Variants in MYH10 observed in about 807,000 individuals in gnomAD.
MYH10 encodes myosin heavy chain 10, also known as myosin-10.
In MYH10, 55 loss-of-function variants were observed where a neutral mutation model predicts 257.8. The observed-to-expected ratio is 0.21, with a 90% confidence interval of 0.17 to 0.27. The LOEUF (loss-of-function observed/expected upper bound fraction) is 0.27. MYH10 is among the 10% of genes least tolerant of loss of function. The probability of loss-of-function intolerance (pLI) is 1.00; values close to 1 mark genes in which losing one functional copy is unlikely to be tolerated. For synonymous variants in MYH10, 854 were observed against 921.7 expected, an observed-to-expected ratio of 0.93 and a Z score of 1.33; for missense variants, 1,631 against 2,500.6, an observed-to-expected ratio of 0.65 and a Z score of 7.42.
At position 8,545,637 on chromosome 17, in the gene MYH10, C is replaced by A. The variant is rs1251526750; in HGVS notation, c.1279-37G>T. 1.3e-6 allele frequency: 2 copies of A among 1,593,636 alleles called. No individual in the cohort carries two copies. The highest frequency in any genetic ancestry group is 3.7e-5 in the Admixed American group (2 of 54,754). The stretch of plus-strand genomic sequence containing the variant: ...TCACAACAACCTTTTATTCTGGAAA[C>A]AATCTCAACAAAGCATAAATAGCTG... On this transcript the variant is annotated intron_variant, in intron 12 of 42. Transcript: ENST00000360416. The surrounding 1 kb of genome is among the most constrained non-coding windows in gnomAD (Gnocchi z 4.7).
At chr17:8,547,867 A>T (rs2151955337) in intron 11 of MYH10, among the ~76,000 whole-genome samples, 1 of 147,288 alleles carries the variant, frequency 6.8e-6, no homozygotes, top group Non-Finnish European at 1.5e-5. Flanking sequence ...GTTCCTGACC[A>T]ATGCAAATTT....
At chr17:8,554,846 G>A (rs1255901867) in intron 7 of MYH10, among the ~76,000 whole-genome samples, 1 of 152,324 alleles carries the variant, frequency 6.6e-6, no homozygotes, top group African/African-American at 2.4e-5. Context: ...CCAGCTACTC[G>A]GGAGGCAGAG....
At chr17:8,616,388 C>T (rs919722657) in intron 2 of MYH10, among the ~76,000 whole-genome samples, 48 of 151,630 alleles carry the variant, frequency 3.2e-4, no homozygotes, top group African/African-American at 1.1e-3. Context: ...ACTATAATAA[C>T]CAATAAGTAA....
At chr17:8,583,773 A>C (rs1323263368) in intron 4 of MYH10, among the ~76,000 whole-genome samples, 1 of 152,244 alleles carries the variant, frequency 6.6e-6, no homozygotes, top group Non-Finnish European at 1.5e-5. Flanking sequence ...TATAATAGAT[A>C]AGATTCCTTT....
intron 5 of MYH10, 31 bp downstream of exon 5, chr17:8,577,205 A>T: frequency 6.6e-7 from 1 of 1,508,856 alleles, no homozygotes; most frequent in Non-Finnish European, 9.1e-7. Flanking sequence ...AAGAAGAAGA[A>T]GATTTAAAAA....
At chr17:8,607,176 A>G (rs1298689943) in intron 2 of MYH10, among the ~76,000 whole-genome samples, 1 of 152,236 alleles carries the variant, frequency 6.6e-6, no homozygotes, top group Non-Finnish European at 1.5e-5. Context: ...TTTTCATTCA[A>G]AAATGAGATC....
chr17:8,590,873 C>CTTTTTTTTTTTTTTTTTTTT (rs398030291), intron 3 of MYH10, among the ~76,000 whole-genome samples: 1 of 90,094 alleles, frequency 1.1e-5, no homozygotes, highest in Non-Finnish European at 2.0e-5. Flanking sequence ...TCAATGTCGC[C>CTTTTTTTTTTTTTTTTTTTT]TTTTTTTTTT....
In MYH10 at chr17:8,527,163, G is replaced by A. The variant is rs145632949; in HGVS notation, c.1957+3460C>T. Among the ~76,000 whole-genome samples, 118 of 152,250 alleles carry A rather than the reference G, an allele frequency of 7.8e-4. 1 individual carries two copies. The East Asian group carries it at 0.017, about 22-fold the overall frequency. On this transcript the variant is annotated intron_variant, in intron 17 of 42. Transcript: ENST00000360416. ...TCTGTCTCCATAATATCCCTGTTAC[G>A]TGGTACTGTAATAACAAGTTTACAG...
At chr17:8,560,196 T>A (rs1260456850) in intron 7 of MYH10, among the ~76,000 whole-genome samples, 1 of 151,526 alleles carries the variant, frequency 6.6e-6, no homozygotes, top group Non-Finnish European at 1.5e-5. Flanking sequence ...TACTATTTCC[T>A]TTTTTTTTCT....
intron 42 of MYH10, among the ~76,000 whole-genome samples, chr17:8,476,277 C>T: frequency 6.6e-6 from 1 of 152,224 alleles, no homozygotes; most frequent in East Asian, 1.9e-4. Flanking sequence ...CAAAGTGGGC[C>T]ACATAGGGAC....
At chr17:8,596,376 G>A (rs1036003540) in intron 3 of MYH10, among the ~76,000 whole-genome samples, 1 of 151,874 alleles carries the variant, frequency 6.6e-6, no homozygotes, top group Non-Finnish European at 1.5e-5. Flanking sequence ...GGCTGGTCTC[G>A]ACTCCTGACC....
rs71159601 is a variant in MYH10 at position 8,592,933 on chromosome 17, C to CTATA, written c.503-3829_503-3826dup. On this transcript the variant is annotated intron_variant, in intron 3 of 42. Transcript: ENST00000360416. ...CAAAATGTTGGTAAATCAAATCCAG[C>CTATA]TATATATATATATATATATATATAT... Among the ~76,000 whole-genome samples, 305 of 44,702 alleles carry CTATA rather than the reference C, an allele frequency of 6.8e-3. 5 individuals are homozygous for CTATA. Among genetic ancestry groups the CTATA allele is most frequent in the African/African-American group, 0.018 (293 of 16,022 alleles). The allele number at this position is 44,702 out of a possible 152,430, so 29.3% of individuals were successfully genotyped here. A position where few individuals can be genotyped will look rare whatever the true frequency, so the allele number is the denominator to read the frequency against.
intron 35 of MYH10, among the ~76,000 whole-genome samples, chr17:8,489,669 A>C (rs955452943): frequency 1.3e-4 from 18 of 136,044 alleles, no homozygotes; most frequent in African/African-American, 5.2e-4. Flanking sequence ...GTGCCACTGC[A>C]CTCCAGCCTG....
chr17:8,505,719 G>A (rs199603837), intron 27 of MYH10, among the ~76,000 whole-genome samples: 20 of 152,130 alleles, frequency 1.3e-4, no homozygotes, highest in African/African-American at 3.9e-4. Context: ...GGTGGCTCAC[G>A]CCTGTAATCC....
rs2082104747 is a variant in MYH10, at chr17:8,535,084, TACA to T, written c.1894+300_1894+302del. ...GTTTTGTGTTCCAGTGTTCCTGGAT[TACA>T]ACTGACTTGGGACTGTGGTGGCCTA... is the stretch of plus-strand genomic sequence containing the variant. On this transcript the variant is annotated intron_variant, in intron 16 of 42. Transcript: ENST00000360416. This position sits in a 1 kb window ranked among gnomAD's most constrained non-coding sequence, Gnocchi z 4.3. Among the ~76,000 whole-genome samples, 1 of 152,280 alleles carries T rather than the reference TACA, an allele frequency of 6.6e-6. No individual in the cohort carries two copies. The highest frequency in any genetic ancestry group is 2.1e-4 in the South Asian group (1 of 4,816).
chr17:8,521,357 G>C, intron 17 of MYH10, 72 bp from the exon 18 acceptor site: 1 of 1,479,522 alleles, frequency 6.8e-7, no homozygotes, highest in Non-Finnish European at 9.4e-7. Context: ...AAGACACAGT[G>C]AAAGTGCAGC....
At chr17:8,548,902 A>G (rs1302349618) in intron 9 of MYH10, 115 bp from the exon 10 acceptor site, 1 of 763,862 alleles carries the variant, frequency 1.3e-6, no homozygotes, top group Admixed American at 2.6e-5. Flanking sequence ...CATGCAACCC[A>G]TTGCCAGCAA....
intron 17 of MYH10, chr17:8,521,556 G>A (rs2081657024): frequency 8.9e-6 from 4 of 451,058 alleles, no homozygotes; most frequent in Admixed American, 3.5e-5. Flanking sequence ...GGAATTCACT[G>A]TCTTGGATAA....
intron 16 of MYH10, among the ~76,000 whole-genome samples, chr17:8,530,985 T>A (rs1343605988): frequency 2.0e-5 from 3 of 152,226 alleles, no homozygotes; most frequent in Non-Finnish European, 4.4e-5. Context: ...TTATGAGGAA[T>A]AAGGCACTAT....
Sources: gnomAD v4.1 joint callset for allele counts (sites outside exome capture counted in the v4.1 genomes callset) on GRCh38, gnomAD v4.1.1 for gene constraint, Gnocchi (gnomAD v3.1) non-coding constraint, MANE v1.5 for transcripts, NCBI Gene and HGNC (gene_info 2026-07-23, HGNC 2026-07-21) for gene names.